Variants in SPTBN5 observed in about 807,000 individuals in gnomAD.
The protein encoded by SPTBN5 is spectrin beta chain, non-erythrocytic 5.
Under a neutral mutation model 477.6 loss-of-function variants are expected in SPTBN5, and 513 were observed. That is an observed-to-expected ratio of 1.07 (90% CI 1.00 to 1.16). The LOEUF (loss-of-function observed/expected upper bound fraction) is 1.16, where lower values mean the gene tolerates loss of function less well. Ranked by LOEUF, SPTBN5 falls within the 50% of genes most tolerant of loss-of-function variation. The pLI is 0.00. For missense variants in SPTBN5, 5,062 were observed against 4,731.8 expected (o/e 1.07, Z -2.05); for synonymous variants, 2,169 against 2,011.7 (o/e 1.08, Z -2.09).
At chr15:41,892,195 C>T (rs1011791685) in intron 3 of SPTBN5, among the ~76,000 whole-genome samples, 3 of 152,186 alleles carry the variant, frequency 2.0e-5, no homozygotes, top group African/African-American at 7.2e-5. Context: ...AGTCAGGCTC[C>T]ATCCAGCCAG....
At chr15:41,878,194 C>T (rs2066811560) in intron 17 of SPTBN5, 148 bp downstream of exon 17, 1 of 933,950 alleles carries the variant, frequency 1.1e-6, no homozygotes, top group Non-Finnish European at 1.6e-6. Context: ...TGTAAACTTG[C>T]CTCAAGCAGC....
At chr15:41,869,175 G>C (rs77387185) in intron 32 of SPTBN5, among the ~76,000 whole-genome samples, 4,049 of 152,338 alleles carry the variant, frequency 0.027, 85 homozygotes, top group South Asian at 0.07. Flanking sequence ...ATGGCAGAAA[G>C]AGTCTTGTAA....
chr15:41,862,586 C>T lies in SPTBN5; in HGVS notation c.7338G>A (p.Gln2446=), dbSNP rs1405458847. 1 of 1,559,142 alleles carries T rather than the reference C, an allele frequency of 6.4e-7. No individual in the cohort carries two copies. Among genetic ancestry groups the T allele is most frequent in the Non-Finnish European group, 8.7e-7 (1 of 1,152,224 alleles). Reference sequence around the variant, plus strand: ...GCTGCCACCAGCTCTCAGCCACCTCCTGCTGCCTGTGCCTGAGGCCGTGGG... The same window carrying T: ...GCTGCCACCAGCTCTCAGCCACCTCTTGCTGCCTGTGCCTGAGGCCGTGGG... ...EAAHGLRHRQ[Q]EVAESWWQLR... is the part of the protein sequence containing the mutation. The change falls in exon 43 of 68, where the codon CAG becomes CAA. Residue 2446 remains glutamine (Q), a synonymous_variant. Coordinates refer to ENST00000320955, the MANE Select transcript of SPTBN5 (RefSeq NM_016642.4).
chr15:41,850,838 T>C lies in SPTBN5; in HGVS notation c.10921+16A>G. On this transcript the variant is annotated intron_variant, in intron 66 of 67. Coordinates refer to ENST00000320955, the MANE Select transcript of SPTBN5 (RefSeq NM_016642.4). The stretch of plus-strand genomic sequence containing the variant: ...GGAGTCGGCCGCCCTCCCCGCATCC[T>C]TCCCCTGAAGCCCACCTGCAGTGCT... 2 of 1,582,232 alleles carry C rather than the reference T, an allele frequency of 1.3e-6. No homozygotes were observed. Among genetic ancestry groups the C allele is most frequent in the East Asian group, 2.3e-5 (1 of 43,014 alleles).
chr15:41,886,440 G>GAGAA, intron 6 of SPTBN5, 74 bp from the exon 7 acceptor site: 1 of 1,473,640 alleles, frequency 6.8e-7, no homozygotes, highest in East Asian at 2.3e-5. Flanking sequence ...GTGCCAGCCA[G>GAGAA]AGTTCCCCAG....
rs780788946 is a variant in SPTBN5, at chr15:41,876,138, G to A, written c.4098C>T (p.Arg1366=). The change falls in exon 21 of 68, where the codon CGC becomes CGT. Residue 1366 remains arginine, a synonymous_variant. Coordinates refer to ENST00000320955, the MANE Select transcript of SPTBN5 (RefSeq NM_016642.4). Reference sequence around the variant, plus strand: ...CCTGCTGCAGGGCCTCCACGTGTCTGCGGGTGGCGAGTAGCTCGCTCTCAG... The same window carrying A: ...CCTGCTGCAGGGCCTCCACGTGTCTACGGGTGGCGAGTAGCTCGCTCTCAG... ...EAAESELLAT[R]RHVEALQQVG... The A allele has an allele frequency of 1.9e-6, 3 of 1,602,892 alleles. No individual in the cohort carries two copies. The highest frequency in any genetic ancestry group is 4.5e-5 in the East Asian group (2 of 44,868).
rs1229262134 is a variant in SPTBN5, at chr15:41,882,000, G to A, written c.2393C>T (p.Ala798Val). 3 of 1,535,880 alleles carry A rather than the reference G, an allele frequency of 2.0e-6. No individual in the cohort carries two copies. Among genetic ancestry groups the A allele is most frequent in the Non-Finnish European group, 2.6e-6 (3 of 1,150,598 alleles). Residue 798 changes from alanine (A) to valine (V), a missense_variant, in exon 12 of 68, where the codon GCG becomes GTG. Ala to Val is a moderately conservative substitution (Grantham distance 64). Coordinates refer to ENST00000320955, the MANE Select transcript of SPTBN5 (RefSeq NM_016642.4). ...VRLERVLRAF[A>V]AELRRLEEQG... ...CTCCTCCAGCCGCCGCAGCTCGGCC[G>A]CGAAGGCGCGCAGGACGCGCTCCAG... is the stretch of plus-strand genomic sequence containing the variant.
intron 29 of SPTBN5, 85 bp from the exon 30 acceptor site, chr15:41,870,645 T>C (rs531234060): frequency 1.7e-6 from 2 of 1,154,136 alleles, no homozygotes; most frequent in East Asian, 2.5e-5. Context: ...GTCAGCCCGC[T>C]CCTCTCTGAG....
chr15:41,866,006 A>G, intron 38 of SPTBN5, 32 bp downstream of exon 38: 4 of 1,548,186 alleles, frequency 2.6e-6, no homozygotes, highest in Non-Finnish European at 3.5e-6. Context: ...TCCTCCCCCC[A>G]TCTCTCAGCC....
intron 39 of SPTBN5, among the ~76,000 whole-genome samples, chr15:41,864,735 G>A (rs368551602): frequency 2.8e-4 from 43 of 152,356 alleles, no homozygotes; most frequent in African/African-American, 8.7e-4. Flanking sequence ...GGACTCGTCT[G>A]AGCTGAGGCT....
At position 41,855,342 on chromosome 15, in the gene SPTBN5, T is replaced by A. The variant is rs777305567; in HGVS notation, c.9305A>T (p.Gln3102Leu). 2.5e-6 allele frequency: 4 copies of A among 1,606,886 alleles called. No homozygotes were observed. In the African/African-American group the frequency reaches 4.0e-5, roughly 16 times the overall value. ...CAGCTGGTGTAGCTGCAGCTGCTCC[T>A]GCAGGCCGTGCCCCCTGGCCTCCGC... ...RRAEARGHGL[Q>L]EQLQLHQLER... The change falls in exon 55 of 68, where the codon CAG (glutamine) becomes CTG (leucine). Residue 3102 changes from glutamine (Q) to leucine (L), a missense_variant. Coordinates refer to ENST00000320955, the MANE Select transcript of SPTBN5 (RefSeq NM_016642.4).
rs890983591 is a variant in SPTBN5 at position 41,883,025 on chromosome 15, T to C, written c.1863A>G (p.Gln621=). Residue 621 remains glutamine, a synonymous_variant, in exon 9 of 68, where the codon CAA becomes CAG. Transcript: ENST00000320955. ...CCCTGACAAGAGCCACCAGGCTCTGTTGGAGCTGGGCCAGTGTCCTGGCCT... is the reference window on the plus strand; with the variant it reads ...CCCTGACAAGAGCCACCAGGCTCTGCTGGAGCTGGGCCAGTGTCCTGGCCT... ...QAKARTLAQL[Q]QSLVALVRAR... 6 of 1,553,322 alleles carry C rather than the reference T, an allele frequency of 3.9e-6. No individual in the cohort carries two copies. In the African/African-American group the frequency reaches 6.8e-5, roughly 18 times the overall value.
At chr15:41,876,452 G>T in intron 20 of SPTBN5, 96 bp downstream of exon 20, 2 of 1,343,568 alleles carry the variant, frequency 1.5e-6, no homozygotes, top group Non-Finnish European at 2.1e-6. Context: ...ATGACATAGC[G>T]CGTGAGGAAA....
Position 41,878,234 on chromosome 15 carries a change from C to A in SPTBN5, c.3470+108G>T. The A allele has an allele frequency of 2.2e-6, 3 of 1,362,734 alleles. No individual in the cohort carries two copies. In the East Asian group the frequency reaches 7.4e-5, roughly 33 times the overall value. The allele number at this position is 1,362,734 out of a possible 1,614,324, so 84.4% of individuals were successfully genotyped here. A position where few individuals can be genotyped will look rare whatever the true frequency, so the allele number is the denominator to read the frequency against. ...CAGACACCAACCAGTCTGGGCCCCT[C>A]CCTGGGGAAATCACACTACTTCCCG... On this transcript the variant is annotated intron_variant, in intron 17 of 67. Coordinates refer to ENST00000320955, the MANE Select transcript of SPTBN5 (RefSeq NM_016642.4).
intron 12 of SPTBN5, among the ~76,000 whole-genome samples, 182 bp from the exon 13 acceptor site, chr15:41,881,416 G>A (rs1027309674): frequency 2.0e-5 from 3 of 152,232 alleles, no homozygotes; most frequent in South Asian, 4.1e-4. Context: ...GGGGCCAAAC[G>A]TGAGCACAGG....
chr15:41,888,969 G>C (rs2067234051), intron 4 of SPTBN5, among the ~76,000 whole-genome samples: 1 of 152,226 alleles, frequency 6.6e-6, no homozygotes. Flanking sequence ...AAAATGCTGG[G>C]ATGGCTTGTG....
chr15:41,885,780 A>G lies in SPTBN5; in HGVS notation c.1475T>C (p.Ile492Thr). Reference protein sequence around the residue: ...RFQALAEIADILRQEQYHSWA... With the variant: ...RFQALAEIADTLRQEQYHSWA... ...GCTGTGGTACTGCTCCTGCCGGAGG[A>G]TGTCTGCGATCTCAGCCAGGGCCTG... is the stretch of plus-strand genomic sequence containing the variant. Residue 492 changes from isoleucine (I) to threonine (T), a missense_variant, in exon 7 of 68, where the codon ATC becomes ACC. Transcript: ENST00000320955. The G allele has an allele frequency of 6.4e-7, 1 of 1,557,824 alleles. No homozygotes were observed. The highest frequency in any genetic ancestry group is 8.7e-7 in the Non-Finnish European group (1 of 1,150,888).
At chr15:41,875,978 G>C in intron 21 of SPTBN5, 136 bp downstream of exon 21, 2 of 1,096,998 alleles carry the variant, frequency 1.8e-6, no homozygotes, top group South Asian at 3.3e-5. Context: ...CATCAAGGAG[G>C]CTTGCAGGGG....
rs150602767 is a variant in SPTBN5, at chr15:41,878,573, A to T, written c.3239T>A (p.Leu1080Gln). 234 of 1,612,838 alleles carry T rather than the reference A, an allele frequency of 1.5e-4. No homozygotes were observed. In the African/African-American group the frequency reaches 2.6e-3, roughly 18 times the overall value. Residue 1080 changes from leucine (L) to glutamine (Q), a missense_variant, in exon 17 of 68, where the codon CTG (leucine) becomes CAG (glutamine). Coordinates refer to ENST00000320955, the MANE Select transcript of SPTBN5 (RefSeq NM_016642.4). ...SQPLQGQVET[L>Q]QGLLKQVQEQ... ...CTGTACTTGCTTCAGCAGCCCCTGC[A>T]GTGTCTCCACCTGTCCTTGCAGAGG...
Sources: allele counts gnomAD v4.1 joint callset (sites outside exome capture counted in the v4.1 genomes callset), GRCh38; gene constraint gnomAD v4.1.1; transcripts MANE v1.5; gene names NCBI Gene and HGNC (gene_info 2026-07-23, HGNC 2026-07-21).